Variants in UTRN observed in about 807,000 individuals in gnomAD.
UTRN encodes dystrophin-related protein 1.
In UTRN, 283 loss-of-function variants were observed where a neutral mutation model predicts 463.9. That is an observed-to-expected ratio of 0.61 (90% CI 0.55 to 0.67). The LOEUF (loss-of-function observed/expected upper bound fraction) is 0.67. Among genes scored for constraint, UTRN ranks in the 30% least tolerant of loss-of-function variants. The pLI, the probability that UTRN is intolerant of heterozygous loss-of-function variation, is 0.00. For synonymous variants in UTRN, 1,442 were observed against 1,431.5 expected (o/e 1.01, Z -0.17); for missense variants, 3,922 against 4,084.3 (o/e 0.96, Z 1.08).
intron 52 of UTRN, among the ~76,000 whole-genome samples, chr6:144,686,646 CTTCT>C (rs1469402013): frequency 2.0e-5 from 3 of 151,574 alleles, no homozygotes; most frequent in Admixed American, 2.0e-4. Context: ...ATATAATGAC[CTTCT>C]TTGTCTTTTT....
intron 73 of UTRN, among the ~76,000 whole-genome samples, chr6:144,844,324 A>G (rs1781841987): frequency 6.6e-6 from 1 of 151,088 alleles, no homozygotes; most frequent in Non-Finnish European, 1.5e-5. Flanking sequence ...GCTGGAGTTC[A>G]ATGGCACGAT....
chr6:144,739,420 T>C (rs1789801732), intron 54 of UTRN, among the ~76,000 whole-genome samples: 1 of 152,212 alleles, frequency 6.6e-6, no homozygotes, highest in Non-Finnish European at 1.5e-5. Flanking sequence ...TACAACATTA[T>C]TTTCTTGTAT....
chr6:144,310,077 C>T (rs1806108797), intron 2 of UTRN, among the ~76,000 whole-genome samples: 1 of 152,230 alleles, frequency 6.6e-6, no homozygotes, highest in South Asian at 2.1e-4. Context: ...TCTTTTTCCA[C>T]TAGAATGCAG....
intron 54 of UTRN, among the ~76,000 whole-genome samples, chr6:144,745,244 C>CT (rs558396522): frequency 2.7e-5 from 4 of 148,814 alleles, no homozygotes; most frequent in Admixed American, 6.7e-5. Flanking sequence ...AATGAGAGTA[C>CT]TTTTTTTTTT....
At chr6:144,772,791 C>A (rs1327740254) in intron 59 of UTRN, among the ~76,000 whole-genome samples, 1 of 152,078 alleles carries the variant, frequency 6.6e-6, no homozygotes, top group African/African-American at 2.4e-5. Flanking sequence ...ATTTCTAGTG[C>A]AATGTGGCTT....
chr6:144,744,818 T>C (rs771968446), intron 54 of UTRN, among the ~76,000 whole-genome samples: 48 of 152,216 alleles, frequency 3.2e-4, no homozygotes, highest in Non-Finnish European at 6.0e-4. Context: ...GAGCTTCATT[T>C]GCTCTCTGGC....
At chr6:144,772,582 A>C (rs934793361) in intron 59 of UTRN, among the ~76,000 whole-genome samples, 1 of 152,170 alleles carries the variant, frequency 6.6e-6, no homozygotes, top group African/African-American at 2.4e-5. Flanking sequence ...CTTTGCACGC[A>C]AAAAATATAT....
At chr6:144,741,517 A>G (rs1790081247) in intron 54 of UTRN, among the ~76,000 whole-genome samples, 4 of 152,190 alleles carry the variant, frequency 2.6e-5, no homozygotes, top group Admixed American at 2.0e-4. Flanking sequence ...CTCGGGATAC[A>G]GTAGTAGGCA....
chr6:144,780,743 C>A (rs950692843), intron 60 of UTRN, among the ~76,000 whole-genome samples: 1 of 152,206 alleles, frequency 6.6e-6, no homozygotes, highest in African/African-American at 2.4e-5. Flanking sequence ...TGCATTTCTC[C>A]TGTCTGTTTC....
intron 52 of UTRN, among the ~76,000 whole-genome samples, chr6:144,696,191 T>C (rs1056834242): frequency 2.6e-5 from 4 of 152,014 alleles, no homozygotes; most frequent in Non-Finnish European, 5.9e-5. Context: ...AACCATATTG[T>C]GAAACTACTA....
intron 51 of UTRN, among the ~76,000 whole-genome samples, chr6:144,642,750 A>G (rs1317256534): frequency 2.0e-5 from 3 of 152,180 alleles, no homozygotes; most frequent in Non-Finnish European, 4.4e-5. Context: ...TATTTTGACT[A>G]TATAGTCTTC....
chr6:144,395,163 T>A (rs957908599), intron 2 of UTRN, among the ~76,000 whole-genome samples: 1 of 152,142 alleles, frequency 6.6e-6, no homozygotes, highest in Non-Finnish European at 1.5e-5. Flanking sequence ...AATAAAAAAA[T>A]GTTTTCTGTT....
chr6:144,587,205 G>C (rs1335324430), intron 51 of UTRN, among the ~76,000 whole-genome samples: 1 of 152,128 alleles, frequency 6.6e-6, no homozygotes, highest in Non-Finnish European at 1.5e-5. Flanking sequence ...TGGCCTTCTA[G>C]GGGGCTTGAG....
rs1322295811 is a variant in UTRN, at chr6:144,836,320, G to A, written c.9844G>A (p.Glu3282Lys). 6.2e-7 allele frequency: 1 copy of A among 1,614,108 alleles called. No individual in the cohort carries two copies. The highest frequency in any genetic ancestry group is 1.3e-5 in the African/African-American group (1 of 75,044). The change falls in exon 71 of 75, where the codon GAG (glutamate) becomes AAG (lysine). Residue 3282 changes from glutamate to lysine, a missense_variant. Physicochemically the swap from Glu to Lys is moderately conservative, Grantham distance 56. This residue lies in a region of UTRN where 1,309 missense variants were observed against 1,452.6 expected (regional missense o/e 0.90). Coordinates refer to ENST00000367545, the MANE Select transcript of UTRN (RefSeq NM_007124.3). ...EEQRNLQVEY[E>K]QLKDQHLRRG... is the part of the protein sequence containing the mutation. ...TATTAGAAATCTACAGGTGGAGTAT[G>A]AGCAGCTGAAGGACCAGCACCTCCG...
rs1226197482 is a variant in UTRN, at chr6:144,820,889, C to G, written c.9365C>G (p.Ser3122Cys). The G allele has an allele frequency of 1.9e-6, 3 of 1,612,904 alleles. No individual in the cohort carries two copies. Among genetic ancestry groups the G allele is most frequent in the Non-Finnish European group, 2.5e-6 (3 of 1,179,458 alleles). Residue 3122 changes from serine (S) to cysteine (C), a missense_variant, in exon 66 of 75, where the codon TCT becomes TGT. This residue lies in a region of UTRN where 1,309 missense variants were observed against 1,452.6 expected (regional missense o/e 0.90). Transcript: ENST00000367545. The stretch of plus-strand genomic sequence containing the variant: ...TTGTTTTCAACCTTATAGACAACAT[C>G]TGGGGAAGATGTACGAGACTTCACA... Reference protein sequence around the residue: ...PMVEYCIPTTSGEDVRDFTKV... With the variant: ...PMVEYCIPTTCGEDVRDFTKV...
At chr6:144,361,685 T>C (rs9376819) in intron 2 of UTRN, among the ~76,000 whole-genome samples, 114,593 of 151,920 alleles carry the variant, frequency 0.75, 43,892 homozygotes, top group African/African-American at 0.89. Context: ...ACCTTCTGGG[T>C]TCAAGTGATC....
intron 73 of UTRN, among the ~76,000 whole-genome samples, chr6:144,841,504 C>A (rs1269097609): frequency 6.6e-6 from 1 of 152,122 alleles, no homozygotes; most frequent in Admixed American, 6.5e-5. Flanking sequence ...GTCTTCAGCA[C>A]CTTGCCACCT....
intron 51 of UTRN, among the ~76,000 whole-genome samples, chr6:144,594,525 C>A (rs578012144): frequency 6.6e-6 from 1 of 152,142 alleles, no homozygotes; most frequent in South Asian, 2.1e-4. Context: ...AATAAATAAA[C>A]CAAATTTCAA....
Position 144,490,955 on chromosome 6 carries a change from G to T in UTRN, c.4290G>T (p.Lys1430Asn). Residue 1430 changes from lysine to asparagine, a missense_variant, in exon 32 of 75, where the codon AAG (lysine) becomes AAT (asparagine). Physicochemically the swap from Lys to Asn is moderately conservative, Grantham distance 94. Around this residue, in one of 3 missense-constraint regions of UTRN, gnomAD observed 2,349 missense variants for 2,303.8 expected, o/e 1.02. Coordinates refer to ENST00000367545, the MANE Select transcript of UTRN (RefSeq NM_007124.3). ...LQRKLREVST[K>N]FQLFQKPANF... Reference sequence around the variant, plus strand: ...GGAAACTCCGAGAGGTGTCCACAAAGTTCCAGCTTTTCCAGAAGCCAGCTA... The same window carrying T: ...GGAAACTCCGAGAGGTGTCCACAAATTTCCAGCTTTTCCAGAAGCCAGCTA... The T allele has an allele frequency of 1.2e-6, 2 of 1,608,204 alleles. No homozygotes were observed. Among genetic ancestry groups the T allele is most frequent in the Non-Finnish European group, 1.7e-6 (2 of 1,177,222 alleles).
Sources: gnomAD v4.1 joint callset for allele counts (sites outside exome capture counted in the v4.1 genomes callset) on GRCh38, gnomAD v4.1.1 for gene constraint, gnomAD v4.1.1 regional missense constraint, MANE v1.5 for transcripts, NCBI Gene and HGNC (gene_info 2026-07-23, HGNC 2026-07-21) for gene names.